Variants in GABRA3 observed in about 807,000 individuals in gnomAD.
GABRA3 encodes gamma-aminobutyric acid receptor subunit alpha-3.
A neutral mutation model predicts 30.1 loss-of-function variants in GABRA3; 10 were observed. The observed-to-expected ratio is 0.33, with a 90% CI of 0.20 to 0.56. The LOEUF (loss-of-function observed/expected upper bound fraction) is 0.56. Ranked by LOEUF, GABRA3 falls within the 20% of genes least tolerant of loss-of-function variation. The pLI is 0.89. For synonymous variants in GABRA3, 151 were observed against 146.8 expected, an observed-to-expected ratio of 1.03 and a Z score of -0.21; for missense variants, 233 against 392.0, an observed-to-expected ratio of 0.59 and a Z score of 3.42.
At chrX:152,235,339 C>G (rs1356069869) in intron 5 of GABRA3, among the ~76,000 whole-genome samples, 1 of 111,375 alleles carries the variant, frequency 9.0e-6, no homozygotes, top group Non-Finnish European at 1.9e-5. Flanking sequence ...ATTCATTTAT[C>G]AAATTTAGGA....
chrX:152,259,024 T>C (rs979588962), intron 4 of GABRA3, among the ~76,000 whole-genome samples: 1 of 112,044 alleles, frequency 8.9e-6, no homozygotes, highest in African/African-American at 3.2e-5. Flanking sequence ...CCCAATCTGC[T>C]GTCACTGGTG....
At chrX:152,284,840 G>T (rs1026640479) in intron 3 of GABRA3, 105 bp from the exon 4 acceptor site, 2 of 494,382 alleles carry the variant, frequency 4.0e-6, no homozygotes, top group East Asian at 9.3e-5. Context: ...TACTACTTCT[G>T]AGAAAGGAAA....
intron 1 of GABRA3, among the ~76,000 whole-genome samples, chrX:152,418,602 C>T (rs1055399067): frequency 3.6e-5 from 4 of 111,430 alleles, no homozygotes; most frequent in African/African-American, 1.3e-4. Flanking sequence ...TCTAATTATA[C>T]ATCTAAAATA....
chrX:152,311,864 T>C (rs748499841), intron 3 of GABRA3, among the ~76,000 whole-genome samples: 1 of 110,992 alleles, frequency 9.0e-6, no homozygotes, highest in East Asian at 2.8e-4. Flanking sequence ...AGCAAAGTTT[T>C]AGGATACAAA....
intron 1 of GABRA3, among the ~76,000 whole-genome samples, chrX:152,450,756 G>A (rs1272351056): frequency 8.9e-6 from 1 of 112,039 alleles, no homozygotes; most frequent in Admixed American, 9.4e-5. Context: ...AGCTGTCTGG[G>A]GGGTCATGAC....
intron 3 of GABRA3, among the ~76,000 whole-genome samples, chrX:152,312,213 T>G (rs901401937): frequency 4.5e-5 from 5 of 111,877 alleles, no homozygotes; most frequent in African/African-American, 1.6e-4. Context: ...GCCGGAGGCA[T>G]CATACTGTTC....
At chrX:152,320,321 C>A (rs1328649695) in intron 3 of GABRA3, among the ~76,000 whole-genome samples, 1 of 111,736 alleles carries the variant, frequency 8.9e-6, no homozygotes, top group Admixed American at 9.5e-5. Context: ...GGAACCAGCC[C>A]AAATGCCCAG....
intron 3 of GABRA3, among the ~76,000 whole-genome samples, chrX:152,292,768 G>A (rs187605409): frequency 9.0e-6 from 1 of 111,686 alleles, no homozygotes; most frequent in East Asian, 2.8e-4. Flanking sequence ...TCTCATTGGT[G>A]TCAAAGAACA....
chrX:152,301,583 G>T (rs184867949), intron 3 of GABRA3, among the ~76,000 whole-genome samples: 92 of 111,214 alleles, frequency 8.3e-4, no homozygotes, highest in African/African-American at 2.9e-3. Flanking sequence ...GCCCAGGCTA[G>T]AGTTTAATGG....
chrX:152,418,285 C>G (rs1194962459), intron 1 of GABRA3, among the ~76,000 whole-genome samples: 1 of 111,319 alleles, frequency 9.0e-6, no homozygotes, highest in African/African-American at 3.3e-5. Flanking sequence ...TTGAATGGGC[C>G]ATGAAGCAGA....
intron 4 of GABRA3, among the ~76,000 whole-genome samples, chrX:152,275,552 C>A (rs78049993): frequency 1.4e-5 from 1 of 69,717 alleles, no homozygotes; most frequent in Non-Finnish European, 3.0e-5. Flanking sequence ...ATCAGGAGTT[C>A]GAGATGAGCC....
chrX:152,422,361 A>T (rs1031157910), intron 1 of GABRA3, among the ~76,000 whole-genome samples: 1 of 111,205 alleles, frequency 9.0e-6, no homozygotes. Context: ...AAGTGAAACT[A>T]CTATAAGAAA....
chrX:152,230,401 C>A (rs977621345), intron 5 of GABRA3, among the ~76,000 whole-genome samples: 1 of 111,258 alleles, frequency 9.0e-6, no homozygotes, highest in Admixed American at 9.6e-5. Context: ...GGTGGCAATT[C>A]TCTCCAAATT....
chrX:152,397,516 G>A (rs759011092), intron 1 of GABRA3, among the ~76,000 whole-genome samples: 284 of 110,928 alleles, frequency 2.6e-3, no homozygotes, highest in Non-Finnish European at 3.4e-3. Flanking sequence ...CTAGATCTCG[G>A]GGAGTAAACA....
intron 6 of GABRA3, among the ~76,000 whole-genome samples, chrX:152,223,900 G>A (rs979052739): frequency 6.3e-5 from 7 of 110,397 alleles, no homozygotes; most frequent in East Asian, 2.9e-4. Flanking sequence ...ACTGCCACTC[G>A]TCTCTCTATA....
intron 5 of GABRA3, among the ~76,000 whole-genome samples, chrX:152,251,647 C>T (rs1053005531): frequency 9.0e-6 from 1 of 110,579 alleles, no homozygotes; most frequent in African/African-American, 3.3e-5. Flanking sequence ...CTCCATCCAC[C>T]TCATTCCATA....
chrX:152,197,780 A>G lies in GABRA3; in HGVS notation c.784T>C (p.Tyr262His). 1 of 1,206,833 alleles carries G rather than the reference A, an allele frequency of 8.3e-7. No individual in the cohort carries two copies. ...TEIIRSSTGE[Y>H]VVMTTHFHLK... Reference sequence around the variant, plus strand: ...TGGAAGTGGGTTGTCATGACGACATATTCTCCTAAAGAGAGAGTAAAATTA... The same window carrying G: ...TGGAAGTGGGTTGTCATGACGACATGTTCTCCTAAAGAGAGAGTAAAATTA... The change falls in exon 8 of 10, where the codon TAT (tyrosine) becomes CAT (histidine). Residue 262 changes from tyrosine to histidine, a missense_variant. Physicochemically the swap from Tyr to His is moderately conservative, Grantham distance 83. Around this residue, in one of 6 missense-constraint regions of GABRA3, gnomAD observed 18 missense variants for 16.4 expected, o/e 1.09. Transcript: ENST00000370314.
At chrX:152,381,988 A>G (rs1929157684) in intron 1 of GABRA3, among the ~76,000 whole-genome samples, 1 of 111,645 alleles carries the variant, frequency 9.0e-6, no homozygotes. Flanking sequence ...CTTTGCTAAC[A>G]TGAACAGTGC....
At chrX:152,231,887 G>A (rs1938087655) in intron 5 of GABRA3, among the ~76,000 whole-genome samples, 1 of 111,773 alleles carries the variant, frequency 8.9e-6, no homozygotes, top group South Asian at 3.7e-4. Flanking sequence ...TATGCTAAGT[G>A]AAAATAGCGA....
Sources: gnomAD v4.1 joint callset for allele counts (sites outside exome capture counted in the v4.1 genomes callset) on GRCh38, gnomAD v4.1.1 for gene constraint, gnomAD v4.1.1 regional missense constraint, MANE v1.5 for transcripts, NCBI Gene and HGNC (gene_info 2026-07-23, HGNC 2026-07-21) for gene names.